Variants in RNF169 observed in about 807,000 individuals in gnomAD.
The protein encoded by RNF169 is E3 ubiquitin-protein ligase RNF169.
A neutral mutation model predicts 53.9 loss-of-function variants in RNF169; 24 were observed. The observed-to-expected ratio is 0.45, with a 90% CI of 0.32 to 0.63. The LOEUF (loss-of-function observed/expected upper bound fraction) is 0.63, where lower values mean the gene tolerates loss of function less well. RNF169 is among the 20% of genes least tolerant of loss of function. RNF169 has a pLI of 0.04. For synonymous variants in RNF169, 396 were observed against 363.5 expected (o/e 1.09, Z -1.02); for missense variants, 883 against 906.2 (o/e 0.97, Z 0.33).
In RNF169 at chr11:74,810,165, G is replaced by T. The variant is rs1475573770; in HGVS notation, c.577-19G>T. On this transcript the variant is annotated intron_variant, in intron 2 of 5. Coordinates refer to ENST00000299563, the MANE Select transcript of RNF169 (RefSeq NM_001098638.2). ...AGAGTTGCCTAAAACTACTGTGTTT[G>T]CATAATTTATATTTTTAGCTGAGAG... 6.3e-7 allele frequency: 1 copy of T among 1,597,312 alleles called. No homozygotes were observed.
chr11:74,776,248 T>C (rs921416161), intron 1 of RNF169, among the ~76,000 whole-genome samples: 2 of 152,198 alleles, frequency 1.3e-5, no homozygotes, highest in African/African-American at 2.4e-5. Context: ...TTTTGGTGTT[T>C]ATGGACTTAT....
chr11:74,835,881 C>T lies in RNF169; in HGVS notation c.1278C>T (p.Ala426=). The T allele has an allele frequency of 6.2e-7, 1 of 1,614,178 alleles. No homozygotes were observed. Among genetic ancestry groups the T allele is most frequent in the Non-Finnish European group, 8.5e-7 (1 of 1,180,024 alleles). Residue 426 remains alanine (A), a synonymous_variant, in exon 6 of 6, where the codon GCC becomes GCT. Transcript: ENST00000299563. ...TGCAGAAGCAGACTTCTTATGAGGC[C>T]AGTCCACGGATCCTCAAAAAGTGGG... ...RSLQKQTSYE[A]SPRILKKWEQ...
intron 2 of RNF169, among the ~76,000 whole-genome samples, chr11:74,792,691 A>G (rs1185865649): frequency 6.6e-6 from 1 of 152,164 alleles, no homozygotes; most frequent in Admixed American, 6.5e-5. Flanking sequence ...GTGAGCCACC[A>G]TGCCTGGCAA....
At position 74,836,157 on chromosome 11, in the gene RNF169, TA is replaced by T; in HGVS notation, c.1558del (p.Ser520ValfsTer32). Reference protein sequence around the residue: ...QTKAEQDSDNKSSTEIPLETC... With the variant: ...QTKAEQDSDNXSSTEIPLETC... The stretch of plus-strand genomic sequence containing the variant: ...CAAAAGCAGAACAGGACAGTGATAA[TA>T]AAAGTAGCACTGAGATCCCACTGGA... On this transcript the variant is annotated frameshift_variant, in exon 6 of 6. Transcript: ENST00000299563. LOFTEE classifies it high-confidence loss of function. 6.2e-7 allele frequency: 1 copy of T among 1,614,102 alleles called. No homozygotes were observed. Among genetic ancestry groups the T allele is most frequent in the Non-Finnish European group, 8.5e-7 (1 of 1,180,008 alleles).
chr11:74,760,003 A>T (rs925194082), intron 1 of RNF169, among the ~76,000 whole-genome samples: 43 of 151,274 alleles, frequency 2.8e-4, no homozygotes, highest in African/African-American at 1.0e-3. Flanking sequence ...TTATTGGTCT[A>T]TTCAGAGATT....
At chr11:74,829,761 C>G (rs2036150835) in intron 4 of RNF169, among the ~76,000 whole-genome samples, 1 of 152,166 alleles carries the variant, frequency 6.6e-6, no homozygotes, top group South Asian at 2.1e-4. Flanking sequence ...CCAAACATCA[C>G]ATATTCTCAT....
At chr11:74,793,698 A>AT (rs1354216164) in intron 2 of RNF169, among the ~76,000 whole-genome samples, 7 of 152,282 alleles carry the variant, frequency 4.6e-5, no homozygotes, top group African/African-American at 1.7e-4. Context: ...TGAGGTCACT[A>AT]TGAGTTTCTA....
At chr11:74,814,852 A>G (rs2035922720) in intron 3 of RNF169, among the ~76,000 whole-genome samples, 1 of 152,166 alleles carries the variant, frequency 6.6e-6, no homozygotes, top group African/African-American at 2.4e-5. Flanking sequence ...TTAGTTCCTT[A>G]GAATAAATTA....
At chr11:74,749,555 A>C (rs2034854124) in intron 1 of RNF169, among the ~76,000 whole-genome samples, 173 bp downstream of exon 1, 1 of 152,188 alleles carries the variant, frequency 6.6e-6, no homozygotes, top group Non-Finnish European at 1.5e-5. Flanking sequence ...TTTGAACTTC[A>C]GAGTGAAGGA....
At chr11:74,829,040 A>G (rs1018523653) in intron 4 of RNF169, among the ~76,000 whole-genome samples, 5 of 152,244 alleles carry the variant, frequency 3.3e-5, no homozygotes, top group African/African-American at 1.2e-4. Flanking sequence ...AGAAACTGTC[A>G]TCAGAGTGAA....
At chr11:74,775,056 G>T (rs139404836) in intron 1 of RNF169, among the ~76,000 whole-genome samples, 318 of 152,370 alleles carry the variant, frequency 2.1e-3, no homozygotes, top group Admixed American at 3.5e-3. Flanking sequence ...AATGGGGGCA[G>T]ATAAATGGGT....
At chr11:74,766,658 T>C (rs753783913) in intron 1 of RNF169, among the ~76,000 whole-genome samples, 7 of 152,182 alleles carry the variant, frequency 4.6e-5, no homozygotes, top group South Asian at 2.1e-4. Context: ...TAGGGGAGGA[T>C]AGAAAATAAG....
intron 2 of RNF169, among the ~76,000 whole-genome samples, chr11:74,805,520 G>C (rs2135110395): frequency 6.6e-6 from 1 of 152,196 alleles, no homozygotes; most frequent in East Asian, 1.9e-4. Context: ...GTAGTCTTAT[G>C]ATATAAAAAA....
intron 4 of RNF169, among the ~76,000 whole-genome samples, chr11:74,826,690 G>A (rs754969656): frequency 8.5e-5 from 13 of 152,208 alleles, no homozygotes; most frequent in Non-Finnish European, 1.6e-4. Flanking sequence ...TAAATACACC[G>A]ATTTCCATTG....
intron 3 of RNF169, among the ~76,000 whole-genome samples, chr11:74,810,757 G>A (rs1003749934): frequency 6.6e-6 from 1 of 151,140 alleles, no homozygotes; most frequent in Non-Finnish European, 1.5e-5. Context: ...ATATAAGGTA[G>A]GTTTAGATAC....
At chr11:74,831,689 A>G (rs1260958739) in intron 4 of RNF169, 1 of 150,414 alleles carries the variant, frequency 6.6e-6, no homozygotes, top group Non-Finnish European at 1.5e-5. Context: ...AGTTAAAACA[A>G]TCTTGAAAAA....
intron 4 of RNF169, among the ~76,000 whole-genome samples, chr11:74,821,344 G>T (rs1421767922): frequency 6.6e-6 from 1 of 152,174 alleles, no homozygotes; most frequent in African/African-American, 2.4e-5. Context: ...GGAAACAAGT[G>T]TTCCTAGCCA....
chr11:74,790,537 G>A (rs375167114), intron 2 of RNF169, among the ~76,000 whole-genome samples: 1 of 152,216 alleles, frequency 6.6e-6, no homozygotes, highest in African/African-American at 2.4e-5. Flanking sequence ...GCTTGGGCCT[G>A]CTGGGCTCAT....
intron 4 of RNF169, among the ~76,000 whole-genome samples, chr11:74,828,913 C>G (rs553942592): frequency 2.6e-5 from 4 of 152,202 alleles, no homozygotes; most frequent in Admixed American, 2.6e-4. Context: ...TAGGCAATAC[C>G]ATTCAGGACC....
Sources: gnomAD v4.1 joint callset for allele counts (sites outside exome capture counted in the v4.1 genomes callset) on GRCh38, gnomAD v4.1.1 for gene constraint, MANE v1.5 for transcripts, NCBI Gene and HGNC (gene_info 2026-07-23, HGNC 2026-07-21) for gene names.